Variants in ARHGAP40 observed in about 807,000 individuals in gnomAD.
ARHGAP40 encodes rho GTPase-activating protein 40.
In ARHGAP40, 43 loss-of-function variants were observed where a neutral mutation model predicts 73.5. The ratio of observed to expected loss-of-function variants is 0.58; its 90% CI spans 0.46 to 0.75. The LOEUF (loss-of-function observed/expected upper bound fraction) is 0.75. Among genes scored for constraint, ARHGAP40 ranks in the 30% least tolerant of loss-of-function variants. The pLI, the probability that ARHGAP40 is intolerant of heterozygous loss-of-function variation, is 0.00. For missense variants in ARHGAP40, 734 were observed against 861.8 expected (o/e 0.85, Z 1.86); for synonymous variants, 300 against 352.8 (o/e 0.85, Z 1.68).
intron 1 of ARHGAP40, among the ~76,000 whole-genome samples, chr20:38,604,336 A>G (rs891545856): frequency 6.6e-6 from 1 of 152,066 alleles, no homozygotes; most frequent in African/African-American, 2.4e-5. Flanking sequence ...AATTTGAACC[A>G]TTCTGTTTAT....
Position 38,615,116 on chromosome 20 carries a change from C to T in ARHGAP40, c.138-8243C>T, listed in dbSNP as rs1171655339. On this transcript the variant is annotated intron_variant, in intron 1 of 14. Transcript: ENST00000373345. ...TGGCTATACGAGTGTCCCATATATCCTTGACCAGGGTCCGGATTTCGTCTG... is the reference window on the plus strand; with the variant it reads ...TGGCTATACGAGTGTCCCATATATCTTTGACCAGGGTCCGGATTTCGTCTG... The T allele has an allele frequency of 6.2e-6, 6 of 973,052 alleles. No homozygotes were observed. In the African/African-American group the frequency reaches 6.4e-5, roughly 10 times the overall value. 60.3% of individuals were successfully genotyped at this position (973,052 alleles called of 1,614,324 possible).
intron 1 of ARHGAP40, among the ~76,000 whole-genome samples, chr20:38,610,329 C>A (rs1310238355): frequency 6.6e-6 from 1 of 152,130 alleles, no homozygotes; most frequent in Non-Finnish European, 1.5e-5. Context: ...TTAAGTGGGA[C>A]CCTCAGGGAG....
In ARHGAP40 at chr20:38,640,220, T is replaced by G. The variant is rs569065079; in HGVS notation, c.1279+834T>G. Among the ~76,000 whole-genome samples, 635 of 144,892 alleles carry G rather than the reference T, an allele frequency of 4.4e-3. 4 individuals carry two copies. Among genetic ancestry groups the G allele is most frequent in the Middle Eastern group, 0.014 (4 of 288 alleles). ...TCTTTCTTCTTTCTTCTTTCTTTCT[T>G]TTTTTTTTTTTTTAGAGATGGGGTC... On this transcript the variant is annotated intron_variant, in intron 9 of 14. Coordinates refer to ENST00000373345, the Ensembl canonical transcript of ARHGAP40.
At chr20:38,633,061 T>A (rs1048832144) in intron 5 of ARHGAP40, among the ~76,000 whole-genome samples, 1 of 151,608 alleles carries the variant, frequency 6.6e-6, no homozygotes, top group Admixed American at 6.6e-5. Flanking sequence ...AGACAGAGAT[T>A]GTAGTGAGCA....
At chr20:38,627,632 G>GGGGTGTGTGTGGGGGTGTGT (rs2088910062) in intron 3 of ARHGAP40, among the ~76,000 whole-genome samples, 1 of 86,182 alleles carries the variant, frequency 1.2e-5, no homozygotes, top group Non-Finnish European at 2.8e-5. Flanking sequence ...TGTGTGTGTT[G>GGGGTGTGTGTGGGGGTGTGT]GGGTGTGTGT....
chr20:38,622,906 G>A (rs982384147), intron 1 of ARHGAP40, among the ~76,000 whole-genome samples: 1 of 152,184 alleles, frequency 6.6e-6, no homozygotes, highest in Non-Finnish European at 1.5e-5. Context: ...AGGTGCTCCT[G>A]TGATACAAAC....
rs965124313 is a variant in ARHGAP40 at position 38,628,892 on chromosome 20, C to T, written c.559-35C>T. The T allele has an allele frequency of 3.9e-6, 5 of 1,284,750 alleles. No individual in the cohort carries two copies. In the Admixed American group the frequency reaches 1.2e-4, roughly 30 times the overall value. 79.6% of individuals were successfully genotyped at this position (1,284,750 alleles called of 1,614,324 possible). On this transcript the variant is annotated intron_variant, in intron 3 of 14. Coordinates refer to ENST00000373345, the Ensembl canonical transcript of ARHGAP40. ...TTGTGTGAGCATTGTCAGCTTCCCA[C>T]ATGAGTAATTGGGCACTGTCTGTAA...
intron 1 of ARHGAP40, among the ~76,000 whole-genome samples, chr20:38,612,426 C>A (rs534997940): frequency 3.3e-5 from 5 of 152,270 alleles, no homozygotes; most frequent in African/African-American, 1.2e-4. Context: ...GTAATCCCAG[C>A]ACTTTGGGAG....
chr20:38,643,305 T>C (rs576308524), intron 10 of ARHGAP40, among the ~76,000 whole-genome samples: 1 of 152,366 alleles, frequency 6.6e-6, no homozygotes, highest in East Asian at 1.9e-4. Context: ...TCTCTGCTTC[T>C]CCCAGCATCT....
At chr20:38,643,820 C>G in exon 11 of ARHGAP40, 1 of 1,305,554 alleles carries the variant, frequency 7.7e-7, no homozygotes, top group South Asian at 1.2e-5. Flanking sequence ...GGCGGCCCCC[C>G]AAGCTCCCCA....
intron 1 of ARHGAP40, among the ~76,000 whole-genome samples, chr20:38,619,077 A>G (rs976445646): frequency 6.6e-6 from 1 of 152,230 alleles, no homozygotes; most frequent in Non-Finnish European, 1.5e-5. Flanking sequence ...GATGGCAGAG[A>G]CGTAATCCAG....
chr20:38,629,584 G>C (rs560698049), exon 5 of ARHGAP40: 1 of 1,305,408 alleles, frequency 7.7e-7, no homozygotes, highest in East Asian at 5.5e-5. Flanking sequence ...AACAAGCTGC[G>C]GTGCTCCTGC....
chr20:38,618,655 A>G (rs1191624828), intron 1 of ARHGAP40, among the ~76,000 whole-genome samples: 2 of 151,858 alleles, frequency 1.3e-5, no homozygotes, highest in African/African-American at 4.8e-5. Flanking sequence ...TGACACCTAC[A>G]CTCAAATGAT....
At chr20:38,629,001 A>G (rs1240533831) in exon 4 of ARHGAP40, 2 of 1,304,724 alleles carry the variant, frequency 1.5e-6, no homozygotes, top group East Asian at 5.6e-5. Flanking sequence ...AGTTTCCTCC[A>G]GGTAAGTGGT....
At chr20:38,643,719 C>G in exon 11 of ARHGAP40, 1 of 1,305,772 alleles carries the variant, frequency 7.7e-7, no homozygotes, top group Non-Finnish European at 1.0e-6. Context: ...GCTGGAATTC[C>G]TCAGGAAGGT....
rs1418082837 is a variant in ARHGAP40, at chr20:38,629,751, A to G, written c.783+101A>G. 2.0e-5 allele frequency: 23 copies of G among 1,174,478 alleles called. No homozygotes were observed. The Admixed American group carries it at 2.3e-4, about 12-fold the overall frequency. The allele number at this position is 1,174,478 out of a possible 1,614,324, so 72.8% of individuals were successfully genotyped here. On this transcript the variant is annotated intron_variant, in intron 5 of 14. Coordinates refer to ENST00000373345, the Ensembl canonical transcript of ARHGAP40. The stretch of plus-strand genomic sequence containing the variant: ...TCCACACTGACAGGCATCCAGCACA[A>G]AAGTTGTTAATTCATTCATTCATTT...
chr20:38,634,827 C>G, intron 6 of ARHGAP40, 42 bp downstream of exon 6: 1 of 1,223,118 alleles, frequency 8.2e-7, no homozygotes, highest in Non-Finnish European at 1.1e-6. Flanking sequence ...GGCCACAGTC[C>G]TCATAGGGAG....
At chr20:38,638,299 A>G (rs928139768) in intron 7 of ARHGAP40, among the ~76,000 whole-genome samples, 20 of 152,226 alleles carry the variant, frequency 1.3e-4, no homozygotes, top group African/African-American at 4.6e-4. Flanking sequence ...TGGGCAACAG[A>G]GAGAGACTCT....
At chr20:38,631,519 G>A (rs6064800) in intron 5 of ARHGAP40, among the ~76,000 whole-genome samples, 31,947 of 151,942 alleles carry the variant, frequency 0.21, 3,873 homozygotes, top group Non-Finnish European at 0.28. Context: ...ATCAGATCTC[G>A]TGAGACTTAT....
Sources: gnomAD v4.1 joint callset for allele counts (sites outside exome capture counted in the v4.1 genomes callset) on GRCh38, gnomAD v4.1.1 for gene constraint, MANE v1.5 for transcripts, NCBI Gene and HGNC (gene_info 2026-07-23, HGNC 2026-07-21) for gene names.